ALDH1L2: variants seen among roughly 807,000 people sequenced by gnomAD.
The protein encoded by ALDH1L2 is mitochondrial 10-formyltetrahydrofolate dehydrogenase.
Under a neutral mutation model 111.0 loss-of-function variants are expected in ALDH1L2, and 91 were observed. That is an observed-to-expected ratio of 0.82 (90% CI 0.69 to 0.98). The LOEUF is 0.98. Among genes scored for constraint, ALDH1L2 ranks in the 50% least tolerant of loss-of-function variants. The pLI is 0.00. For synonymous variants in ALDH1L2, 374 were observed against 392.6 expected (o/e 0.95, Z 0.56); for missense variants, 995 against 1,126.8 (o/e 0.88, Z 1.67).
chr12:105,028,845 G>A (rs1874549385), intron 21 of ALDH1L2, among the ~76,000 whole-genome samples: 1 of 152,098 alleles, frequency 6.6e-6, no homozygotes, highest in Non-Finnish European at 1.5e-5. Flanking sequence ...GACCTAAGGA[G>A]GTACACATTG....
intron 18 of ALDH1L2, 82 bp from the exon 19 acceptor site, chr12:105,034,480 T>C (rs1267360239): frequency 1.5e-6 from 2 of 1,297,198 alleles, no homozygotes; most frequent in Non-Finnish European, 2.2e-6. Flanking sequence ...AGGGAGTTAG[T>C]TGTTTTTGGA....
chr12:105,062,759 A>G lies in ALDH1L2; in HGVS notation c.921+129T>C, dbSNP rs537011153. The G allele has an allele frequency of 2.4e-5, 28 of 1,173,298 alleles. No individual in the cohort carries two copies. The African/African-American group carries it at 4.0e-4, about 17-fold the overall frequency. 72.7% of individuals were successfully genotyped at this position (1,173,298 alleles called of 1,614,324 possible). ...TGTGGGGCCCATCTTGAGACACCTC[A>G]TCTCCATCAGGGCACTCAGAGCCAG... On this transcript the variant is annotated intron_variant, in intron 7 of 22. Coordinates refer to ENST00000258494, the MANE Select transcript of ALDH1L2 (RefSeq NM_001034173.4).
At position 105,039,743 on chromosome 12, in the gene ALDH1L2, G is replaced by A; in HGVS notation, c.2015C>T (p.Ser672Phe). The change falls in exon 17 of 23, where the codon TCC (serine) becomes TTC (phenylalanine). Residue 672 changes from serine to phenylalanine, a missense_variant. Physicochemically the swap from Ser to Phe is radical, Grantham distance 155. Coordinates refer to ENST00000258494, the MANE Select transcript of ALDH1L2 (RefSeq NM_001034173.4). The part of the protein sequence containing the change: ...PDIRKLGFTG[S>F]TPIGKQIMKS... ...CATGATCTGTTTGCCAATAGGAGTG[G>A]ATCCAGTGAAACCAAGTTTGCGGAT... 1 of 1,613,974 alleles carries A rather than the reference G, an allele frequency of 6.2e-7. No individual in the cohort carries two copies. The highest frequency in any genetic ancestry group is 8.5e-7 in the Non-Finnish European group (1 of 1,179,950).
chr12:105,063,407 C>T (rs1009308262), intron 6 of ALDH1L2, among the ~76,000 whole-genome samples: 3 of 151,278 alleles, frequency 2.0e-5, no homozygotes, highest in Non-Finnish European at 2.9e-5. Flanking sequence ...ACCCGGGAGG[C>T]GGAGCTTGCA....
intron 18 of ALDH1L2, among the ~76,000 whole-genome samples, chr12:105,036,542 A>C (rs866322911): frequency 2.2e-5 from 1 of 44,894 alleles, no homozygotes; most frequent in Non-Finnish European, 3.6e-5. Flanking sequence ...ATATATATAT[A>C]TATATATATA....
intron 18 of ALDH1L2, among the ~76,000 whole-genome samples, chr12:105,035,507 A>C (rs1303053789): frequency 2.6e-5 from 4 of 151,856 alleles, no homozygotes; most frequent in African/African-American, 4.8e-5. Context: ...TTGTAGAGAC[A>C]GGGTCTTGCC....
chr12:105,031,980 A>G, intron 19 of ALDH1L2, 46 bp from the exon 20 acceptor site: 1 of 1,591,812 alleles, frequency 6.3e-7, no homozygotes, highest in South Asian at 1.1e-5. Flanking sequence ...TGTTAATAAT[A>G]ATGGAGTTTC....
chr12:105,044,732 T>A (rs931039665), intron 15 of ALDH1L2, among the ~76,000 whole-genome samples: 1 of 151,892 alleles, frequency 6.6e-6, no homozygotes, highest in Non-Finnish European at 1.5e-5. Flanking sequence ...TAAATATACT[T>A]GCACATGTGC....
chr12:105,025,617 C>CA (rs1467564319), intron 22 of ALDH1L2, among the ~76,000 whole-genome samples: 5 of 152,178 alleles, frequency 3.3e-5, no homozygotes, highest in African/African-American at 1.2e-4. Context: ...GCTGCAAATA[C>CA]ATGGCCAAAG....
intron 6 of ALDH1L2, among the ~76,000 whole-genome samples, chr12:105,063,601 G>C (rs531629020): frequency 6.8e-6 from 1 of 146,618 alleles, no homozygotes; most frequent in Non-Finnish European, 1.5e-5. Context: ...TCACATATTT[G>C]CATTGATACA....
chr12:105,040,178 A>T (rs1019266094), intron 16 of ALDH1L2, among the ~76,000 whole-genome samples: 2 of 149,972 alleles, frequency 1.3e-5, no homozygotes, highest in Admixed American at 1.3e-4. Context: ...TATAGTGAAG[A>T]TGGCTTTAAA....
At chr12:105,034,467 C>G in intron 18 of ALDH1L2, 69 bp from the exon 19 acceptor site, 1 of 1,400,486 alleles carries the variant, frequency 7.1e-7, no homozygotes, top group East Asian at 2.3e-5. Context: ...AAGTTGTACA[C>G]AGAGGGAGTT....
At position 105,026,652 on chromosome 12, in the gene ALDH1L2, A is replaced by G; in HGVS notation, c.2609T>C (p.Val870Ala). 1.2e-6 allele frequency: 2 copies of G among 1,614,132 alleles called. No individual in the cohort carries two copies. The highest frequency in any genetic ancestry group is 1.7e-6 in the Non-Finnish European group (2 of 1,180,018). ...AGTTCCTGCTTCCAGTTTTTCACTC[A>G]CATACATAGCTTTGTTTATGTCTCT... Reference protein sequence around the residue: ...FTRDINKAMYVSEKLEAGTVF... With the variant: ...FTRDINKAMYASEKLEAGTVF... The change falls in exon 22 of 23, where the codon GTG becomes GCG. Residue 870 changes from valine (V) to alanine (A), a missense_variant. Val to Ala is a moderately conservative substitution (Grantham distance 64). Transcript: ENST00000258494.
At chr12:105,067,735 A>G (rs1323359474) in intron 4 of ALDH1L2, among the ~76,000 whole-genome samples, 3 of 152,192 alleles carry the variant, frequency 2.0e-5, no homozygotes, top group Non-Finnish European at 4.4e-5. Flanking sequence ...AGGGAGCCAC[A>G]GGGGAACAGA....
rs1874207904 is a variant in ALDH1L2, at chr12:105,022,386, A to G, written c.*2038T>C. On this transcript the variant is annotated 3_prime_UTR_variant, in exon 23 of 23. Transcript: ENST00000258494. ...AGGGAGTGTTCATAGCTTTTATCAG[A>G]TTCCCAAAGAGTTTTGCAGCCCAGA... is the stretch of plus-strand genomic sequence containing the variant. The G allele has an allele frequency of 6.6e-6, 1 of 152,206 alleles. No homozygotes were observed. Among genetic ancestry groups the G allele is most frequent in the Non-Finnish European group, 1.5e-5 (1 of 68,044 alleles). 9.4% of individuals were successfully genotyped at this position (152,206 alleles called of 1,614,324 possible).
chr12:105,039,739 A>G lies in ALDH1L2; in HGVS notation c.2019T>C (p.Thr673=). Residue 673 remains threonine, a synonymous_variant, in exon 17 of 23, where the codon ACT becomes ACC. Transcript: ENST00000258494. ...DIRKLGFTGS[T]PIGKQIMKSC... is the part of the protein sequence containing the mutation. ...TCTTCATGATCTGTTTGCCAATAGG[A>G]GTGGATCCAGTGAAACCAAGTTTGC... The G allele has an allele frequency of 6.2e-7, 1 of 1,614,030 alleles. No individual in the cohort carries two copies. Among genetic ancestry groups the G allele is most frequent in the Non-Finnish European group, 8.5e-7 (1 of 1,179,924 alleles).
In ALDH1L2 at chr12:105,021,254, G is replaced by T. The variant is rs1874144877; in HGVS notation, c.*3170C>A. 6.6e-6 allele frequency: 1 copy of T among 152,452 alleles called. No individual in the cohort carries two copies. The highest frequency in any genetic ancestry group is 2.4e-5 in the African/African-American group (1 of 41,460). 9.4% of individuals were successfully genotyped at this position (152,452 alleles called of 1,614,324 possible). A position where few individuals can be genotyped will look rare whatever the true frequency, so the allele number is the denominator to read the frequency against. ...GACTTAAGCTTTGAACAGGACCGCA[G>T]AAGAGAGGAATCCAGAAGACCAGTT... On this transcript the variant is annotated 3_prime_UTR_variant, in exon 23 of 23. Coordinates refer to ENST00000258494, the MANE Select transcript of ALDH1L2 (RefSeq NM_001034173.4).
At position 105,036,516 on chromosome 12, in the gene ALDH1L2, A is replaced by T. The variant is rs1368655349; in HGVS notation, c.2145+1587T>A. On this transcript the variant is annotated intron_variant, in intron 18 of 22. Transcript: ENST00000258494. ...ATTTATATATGTATATATATATTTT[A>T]TATATATATATATATATATATATAT... Among the ~76,000 whole-genome samples, 16 of 4,116 alleles carry T rather than the reference A, an allele frequency of 3.9e-3. 1 individual carries two copies. The highest frequency in any genetic ancestry group is 0.015 in the South Asian group (3 of 204). The allele number at this position is 4,116 out of a possible 152,430, so 2.7% of individuals were successfully genotyped here.
chr12:105,072,722 C>G (rs768306066), intron 2 of ALDH1L2, among the ~76,000 whole-genome samples: 7 of 152,168 alleles, frequency 4.6e-5, no homozygotes, highest in Non-Finnish European at 8.8e-5. Context: ...GCCTGTAATC[C>G]CAGCACTTTG....
Sources: allele counts gnomAD v4.1 joint callset (sites outside exome capture counted in the v4.1 genomes callset), GRCh38; gene constraint gnomAD v4.1.1; transcripts MANE v1.5; gene names NCBI Gene and HGNC (gene_info 2026-07-23, HGNC 2026-07-21).